SGIP1: variants seen among roughly 807,000 people sequenced by gnomAD.
The protein encoded by SGIP1 is SH3GL interacting endocytic adaptor 1.
A neutral mutation model predicts 107.5 loss-of-function variants in SGIP1; 38 were observed. The observed-to-expected ratio is 0.35, with a 90% CI of 0.27 to 0.46. The LOEUF (loss-of-function observed/expected upper bound fraction) is 0.46, where lower values mean the gene tolerates loss of function less well. Ranked by LOEUF, SGIP1 falls within the 20% of genes least tolerant of loss-of-function variation. SGIP1 has a pLI of 1.00. For synonymous variants in SGIP1, 365 were observed against 366.1 expected (o/e 1.00, Z 0.03); for missense variants, 929 against 1,019.5 (o/e 0.91, Z 1.21).
chr1:66,584,531 A>G (rs2062278926), intron 1 of SGIP1, among the ~76,000 whole-genome samples: 1 of 151,874 alleles, frequency 6.6e-6, no homozygotes, highest in Non-Finnish European at 1.5e-5. Context: ...ATTTAAACTG[A>G]TCTAAATGTT....
intron 18 of SGIP1, among the ~76,000 whole-genome samples, chr1:66,716,623 G>T (rs912391759): frequency 6.6e-6 from 1 of 151,930 alleles, no homozygotes; most frequent in African/African-American, 2.4e-5. Flanking sequence ...TACTTCAGAG[G>T]CCTCCCATCT....
intron 1 of SGIP1, among the ~76,000 whole-genome samples, chr1:66,568,568 G>GTTTTCAAAGGGAA (rs1553222393): frequency 6.6e-6 from 1 of 152,026 alleles, no homozygotes; most frequent in Non-Finnish European, 1.5e-5. Flanking sequence ...TCCTTGTCCT[G>GTTTTCAAAGGGAA]TGCTAGTTTT....
chr1:66,678,536 G>T (rs554921880), intron 13 of SGIP1, among the ~76,000 whole-genome samples: 1 of 152,118 alleles, frequency 6.6e-6, no homozygotes, highest in African/African-American at 2.4e-5. Flanking sequence ...TTAATCAGGA[G>T]CAGAGCCCCT....
chr1:66,613,323 T>A (rs2068432914), intron 1 of SGIP1, among the ~76,000 whole-genome samples: 1 of 146,482 alleles, frequency 6.8e-6, no homozygotes, highest in African/African-American at 2.5e-5. Flanking sequence ...AGAACTTAAG[T>A]TTTTTTGTGT....
intron 19 of SGIP1, 38 bp downstream of exon 19, chr1:66,719,443 C>A: frequency 1.9e-6 from 3 of 1,547,118 alleles, no homozygotes; most frequent in South Asian, 2.3e-5. Context: ...TTTCTGAGTT[C>A]TGTCCTATTG....
intron 1 of SGIP1, among the ~76,000 whole-genome samples, chr1:66,539,283 G>A (rs1035768491): frequency 1.3e-5 from 2 of 152,142 alleles, no homozygotes; most frequent in African/African-American, 4.8e-5. Context: ...GAAAAAGTAC[G>A]GTGTGAGGCA....
At chr1:66,704,475 T>C (rs1466153110) in intron 18 of SGIP1, 1 of 152,190 alleles carries the variant, frequency 6.6e-6, no homozygotes, top group Non-Finnish European at 1.5e-5. Flanking sequence ...GAAAATCTTT[T>C]ATCCTCTCTT....
intron 8 of SGIP1, among the ~76,000 whole-genome samples, chr1:66,662,302 G>T (rs895161532): frequency 2.0e-5 from 3 of 152,108 alleles, no homozygotes; most frequent in Non-Finnish European, 4.4e-5. Flanking sequence ...GTAGTTTATT[G>T]CCTATTTTCA....
intron 18 of SGIP1, among the ~76,000 whole-genome samples, chr1:66,708,677 G>A (rs769203338): frequency 6.6e-6 from 1 of 152,076 alleles, no homozygotes; most frequent in Non-Finnish European, 1.5e-5. Context: ...GACAGTTTAG[G>A]TGCTCTAGGC....
In SGIP1 at chr1:66,744,821, C is replaced by G. The variant is rs1186756017; in HGVS notation, c.*1726C>G. ...CAAACTCTCAGTTGGCCCCCTACAG[C>G]AGTCTGGTGTTGAAGTTTCTTTGAA... On this transcript the variant is annotated 3_prime_UTR_variant, in exon 25 of 25. Coordinates refer to ENST00000371037, the MANE Select transcript of SGIP1 (RefSeq NM_032291.4). 6.6e-6 allele frequency: 1 copy of G among 152,408 alleles called. No individual in the cohort carries two copies. The highest frequency in any genetic ancestry group is 1.5e-5 in the Non-Finnish European group (1 of 67,914). 9.4% of individuals were successfully genotyped at this position (152,408 alleles called of 1,614,324 possible).
At chr1:66,589,504 C>T (rs1159007185) in intron 1 of SGIP1, among the ~76,000 whole-genome samples, 1 of 151,920 alleles carries the variant, frequency 6.6e-6, no homozygotes, top group Non-Finnish European at 1.5e-5. Context: ...GCCATAAATT[C>T]CAGAAGAATG....
At chr1:66,669,222 C>A (rs1044778750) in intron 9 of SGIP1, among the ~76,000 whole-genome samples, 4 of 152,190 alleles carry the variant, frequency 2.6e-5, no homozygotes, top group African/African-American at 9.7e-5. Flanking sequence ...GTTACAGGGG[C>A]TTCTTCTTTA....
intron 21 of SGIP1, among the ~76,000 whole-genome samples, chr1:66,737,673 T>C (rs523544): frequency 0.69 from 104,743 of 152,176 alleles, 37,030 homozygotes; most frequent in African/African-American, 0.78. Context: ...TGATATCTAC[T>C]TATTTTATAG....
intron 22 of SGIP1, among the ~76,000 whole-genome samples, chr1:66,740,427 G>T (rs987939825): frequency 6.6e-6 from 1 of 152,080 alleles, no homozygotes; most frequent in Non-Finnish European, 1.5e-5. Context: ...ATTCTACTTT[G>T]TCCTCTCAAT....
At chr1:66,540,319 A>G (rs2054623255) in intron 1 of SGIP1, among the ~76,000 whole-genome samples, 1 of 152,234 alleles carries the variant, frequency 6.6e-6, no homozygotes, top group South Asian at 2.1e-4. Context: ...TTTCATAATG[A>G]AAAGAGGCAC....
chr1:66,637,734 TA>T (rs1468672853), intron 4 of SGIP1, among the ~76,000 whole-genome samples: 1 of 150,974 alleles, frequency 6.6e-6, no homozygotes, highest in African/African-American at 2.4e-5. Flanking sequence ...AAAACAAGTA[TA>T]TATATATATC....
intron 1 of SGIP1, among the ~76,000 whole-genome samples, chr1:66,561,607 G>A (rs906485816): frequency 1.3e-5 from 2 of 152,018 alleles, no homozygotes; most frequent in African/African-American, 2.4e-5. Flanking sequence ...ATTGTCTCAC[G>A]AGAAGTACCT....
At chr1:66,727,187 A>T (rs1028921252) in intron 19 of SGIP1, among the ~76,000 whole-genome samples, 12 of 152,356 alleles carry the variant, frequency 7.9e-5, no homozygotes, top group Admixed American at 2.0e-4. Context: ...GATAAATGAC[A>T]TTCCCAGAAT....
intron 7 of SGIP1, among the ~76,000 whole-genome samples, chr1:66,656,122 T>C (rs1029042657): frequency 1.3e-5 from 2 of 152,182 alleles, no homozygotes; most frequent in African/African-American, 2.4e-5. Context: ...CTTTTCACTT[T>C]TTAAACTTTT....
Sources: allele counts gnomAD v4.1 joint callset (sites outside exome capture counted in the v4.1 genomes callset), GRCh38; gene constraint gnomAD v4.1.1; transcripts MANE v1.5; gene names NCBI Gene and HGNC (gene_info 2026-07-23, HGNC 2026-07-21).